Variants in ADK observed in about 807,000 individuals in gnomAD.
ADK encodes adenosine kinase, also known as N6,N6-dimethyladenosine kinase.
A neutral mutation model predicts 44.7 loss-of-function variants in ADK; 24 were observed. That is an observed-to-expected ratio of 0.54 (90% CI 0.39 to 0.76). The LOEUF (loss-of-function observed/expected upper bound fraction) is 0.76. Among genes scored for constraint, ADK ranks in the 30% least tolerant of loss-of-function variants. The pLI is 0.00. For missense variants in ADK, 321 were observed against 425.1 expected, an observed-to-expected ratio of 0.76 and a Z score of 2.15; for synonymous variants, 128 against 142.6, an observed-to-expected ratio of 0.90 and a Z score of 0.73.
At chr10:74,205,141 G>C (rs1188865623) in intron 2 of ADK, among the ~76,000 whole-genome samples, 3 of 150,658 alleles carry the variant, frequency 2.0e-5, no homozygotes, top group African/African-American at 7.3e-5. Flanking sequence ...TCTCATTATG[G>C]AGAACGAGAT....
intron 9 of ADK, among the ~76,000 whole-genome samples, chr10:74,609,228 C>T (rs1305208474): frequency 6.6e-6 from 1 of 152,158 alleles, no homozygotes; most frequent in East Asian, 1.9e-4. Context: ...GCTTTATCCC[C>T]CTTTCCAGGG....
intron 6 of ADK, among the ~76,000 whole-genome samples, chr10:74,500,283 C>G (rs1847845202): frequency 1.3e-5 from 2 of 152,290 alleles, no homozygotes; most frequent in South Asian, 4.1e-4. Flanking sequence ...TCTACTTTTT[C>G]CCCCACTCCA....
chr10:74,700,926 T>C (rs2134303256), intron 10 of ADK, among the ~76,000 whole-genome samples: 1 of 152,324 alleles, frequency 6.6e-6, no homozygotes, highest in East Asian at 1.9e-4. Flanking sequence ...CTATTTCCAA[T>C]CTTTTCTTAA....
intron 3 of ADK, among the ~76,000 whole-genome samples, chr10:74,266,409 T>C (rs1375166850): frequency 6.6e-6 from 1 of 151,916 alleles, no homozygotes; most frequent in Non-Finnish European, 1.5e-5. Context: ...ATACAAAAAT[T>C]AGCCTGGCGT....
At chr10:74,228,575 C>T (rs538119832) in intron 3 of ADK, among the ~76,000 whole-genome samples, 3 of 152,212 alleles carry the variant, frequency 2.0e-5, no homozygotes, top group Non-Finnish European at 2.9e-5. Flanking sequence ...GTCAATTATA[C>T]TTCAATAAAG....
chr10:74,379,708 T>C (rs1842922860), intron 4 of ADK, among the ~76,000 whole-genome samples: 1 of 152,226 alleles, frequency 6.6e-6, no homozygotes, highest in Non-Finnish European at 1.5e-5. Context: ...CATTTGCATG[T>C]TTCACGTCTC....
At chr10:74,473,992 G>A (rs1846713846) in intron 6 of ADK, among the ~76,000 whole-genome samples, 1 of 152,034 alleles carries the variant, frequency 6.6e-6, no homozygotes. Flanking sequence ...TTTATTAGTG[G>A]ATATTGCCTA....
At chr10:74,310,037 A>G (rs1013497990) in intron 3 of ADK, among the ~76,000 whole-genome samples, 9 of 152,072 alleles carry the variant, frequency 5.9e-5, no homozygotes, top group Non-Finnish European at 1.2e-4. Context: ...TACAAAGTTT[A>G]TTAAATTTCT....
intron 1 of ADK, among the ~76,000 whole-genome samples, chr10:74,160,719 A>G (rs4745738): frequency 0.16 from 21,757 of 136,632 alleles, 1,676 homozygotes; most frequent in Middle Eastern, 0.23. Flanking sequence ...GTGTGTGTGT[A>G]TGTGTGTGTG....
At chr10:74,588,044 T>C (rs1851589694) in intron 7 of ADK, among the ~76,000 whole-genome samples, 2 of 152,160 alleles carry the variant, frequency 1.3e-5, no homozygotes. Context: ...AGAGGATTTT[T>C]GGACTGTTTA....
chr10:74,653,928 C>T (rs1854381484), intron 9 of ADK, among the ~76,000 whole-genome samples: 1 of 152,192 alleles, frequency 6.6e-6, no homozygotes, highest in African/African-American at 2.4e-5. Flanking sequence ...CAGTATAAAC[C>T]TATGACATTG....
In ADK at chr10:74,538,434, T is replaced by G. The variant is rs183650187; in HGVS notation, c.726+13008T>G. ...AATGGAAATTACTTTCTTTACATAT[T>G]GATTTAACTTTTAAAAAATCTCGTT... On this transcript the variant is annotated intron_variant, in intron 7 of 10. Transcript: ENST00000539909. 2.5e-3 allele frequency among the ~76,000 whole-genome samples: 386 copies of G among 152,338 alleles called. 4 individuals carry two copies. Among genetic ancestry groups the G allele is most frequent in the Admixed American group, 0.01 (159 of 15,304 alleles).
At chr10:74,479,395 G>GTTTTTTTTTT (rs557302014) in intron 6 of ADK, among the ~76,000 whole-genome samples, 4 of 117,216 alleles carry the variant, frequency 3.4e-5, no homozygotes, top group African/African-American at 6.3e-5. Context: ...TTTTTTGTTG[G>GTTTTTTTTTT]TTTTTTTTTT....
chr10:74,512,919 C>T (rs1425565741), intron 6 of ADK, among the ~76,000 whole-genome samples: 1 of 151,818 alleles, frequency 6.6e-6, no homozygotes, highest in African/African-American at 2.4e-5. Flanking sequence ...ACTCTGAATA[C>T]TGTTTTTGCT....
intron 9 of ADK, among the ~76,000 whole-genome samples, chr10:74,650,113 TA>T (rs1053443212): frequency 2.0e-5 from 3 of 152,114 alleles, no homozygotes; most frequent in African/African-American, 7.2e-5. Context: ...GCCACTGTGG[TA>T]AAATATTATA....
At chr10:74,370,293 AAAAC>A (rs1842618929) in intron 4 of ADK, among the ~76,000 whole-genome samples, 1 of 152,218 alleles carries the variant, frequency 6.6e-6, no homozygotes, top group Admixed American at 6.5e-5. Flanking sequence ...ACAAATTAGA[AAAAC>A]AAACTAAAGG....
chr10:74,344,116 A>G (rs1227210104), intron 4 of ADK, among the ~76,000 whole-genome samples: 1 of 152,224 alleles, frequency 6.6e-6, no homozygotes, highest in East Asian at 1.9e-4. Context: ...CATCATTCTC[A>G]TATGAGTATC....
At chr10:74,152,466 T>C (rs1355764098) in intron 1 of ADK, among the ~76,000 whole-genome samples, 1 of 152,180 alleles carries the variant, frequency 6.6e-6, no homozygotes, top group Non-Finnish European at 1.5e-5. Flanking sequence ...GAATCAGACC[T>C]ACCTGAGTTC....
chr10:74,183,674 C>T (rs1476225354), intron 1 of ADK, among the ~76,000 whole-genome samples: 2 of 151,754 alleles, frequency 1.3e-5, no homozygotes, highest in Non-Finnish European at 2.9e-5. Context: ...CCACACCTGG[C>T]TGATTTTGCA....
Sources: allele counts gnomAD v4.1 joint callset (sites outside exome capture counted in the v4.1 genomes callset), GRCh38; gene constraint gnomAD v4.1.1; transcripts MANE v1.5; gene names NCBI Gene and HGNC (gene_info 2026-07-23, HGNC 2026-07-21).